Variants in CSMD1 observed in about 807,000 individuals in gnomAD.
The protein encoded by CSMD1 is CUB and Sushi multiple domains 1, also known as CUB and sushi domain-containing protein 1.
A neutral mutation model predicts 417.5 loss-of-function variants in CSMD1; 213 were observed. The observed-to-expected ratio is 0.51, with a 90% confidence interval of 0.46 to 0.57. The LOEUF (loss-of-function observed/expected upper bound fraction) is 0.57, where lower values mean the gene tolerates loss of function less well. Among genes scored for constraint, CSMD1 ranks in the 20% least tolerant of loss-of-function variants. The probability of loss-of-function intolerance (pLI) is 0.00; values close to 1 mark genes in which losing one functional copy is unlikely to be tolerated. For missense variants in CSMD1, 6,923 were observed against 4,529.7 expected (o/e 1.53, Z -15.17); for synonymous variants, 2,862 against 1,736.8 (o/e 1.65, Z -16.11).
chr8:3,671,441 A>T (rs1314211735), intron 7 of CSMD1, among the ~76,000 whole-genome samples: 1 of 145,416 alleles, frequency 6.9e-6, no homozygotes, highest in African/African-American at 2.5e-5. Flanking sequence ...ATAGTCACAT[A>T]TAATCATATA....
Position 4,830,192 on chromosome 8 carries a change from G to C in CSMD1, c.85+164140C>G, listed in dbSNP as rs555795414. 4.6e-5 allele frequency among the ~76,000 whole-genome samples: 7 copies of C among 152,300 alleles called. No homozygotes were observed. In the East Asian group the frequency reaches 1.3e-3, roughly 29 times the overall value. The stretch of plus-strand genomic sequence containing the variant: ...GAGTCTTGTTTACAGCAATGGGATT[G>C]TGAAACAGACAAAGTGCTTCTAATT... On this transcript the variant is annotated intron_variant, in intron 1 of 69. Transcript: ENST00000635120.
At chr8:4,329,414 G>C (rs911165693) in intron 3 of CSMD1, among the ~76,000 whole-genome samples, 1 of 151,790 alleles carries the variant, frequency 6.6e-6, no homozygotes, top group South Asian at 2.1e-4. Flanking sequence ...GCAGCCTCCC[G>C]GGTAGCTGGG....
Position 4,219,879 on chromosome 8 carries a change from T to G in CSMD1, c.416-187780A>C, listed in dbSNP as rs777313497. On this transcript the variant is annotated intron_variant, in intron 3 of 69. Transcript: ENST00000635120. ...GTGCATAGAAAGACAAAATCTCGAA[T>G]TAATACCAGGTGGAAACGATGTACT... Among the ~76,000 whole-genome samples the G allele has an allele frequency of 8.1e-4, 123 of 152,316 alleles. 2 individuals are homozygous for G. Among genetic ancestry groups the G allele is most frequent in the Admixed American group, 8.5e-4 (13 of 15,304 alleles).
chr8:4,073,452 T>G (rs1262156638), intron 3 of CSMD1, among the ~76,000 whole-genome samples: 4 of 152,136 alleles, frequency 2.6e-5, no homozygotes, highest in Admixed American at 6.5e-5. Context: ...GCGACTGTCT[T>G]ACTTAGATTC....
At chr8:4,931,000 G>A (rs920366882) in intron 1 of CSMD1, among the ~76,000 whole-genome samples, 2 of 152,106 alleles carry the variant, frequency 1.3e-5, no homozygotes, top group African/African-American at 4.8e-5. Context: ...GACAATATAT[G>A]TATTATCAAT....
intron 5 of CSMD1, among the ~76,000 whole-genome samples, chr8:3,843,437 G>C (rs1020234976): frequency 2.0e-5 from 3 of 152,040 alleles, no homozygotes; most frequent in Admixed American, 6.5e-5. Context: ...GAGTAATTAA[G>C]AATAACAGCC....
At chr8:3,129,246 A>G (rs1225092422) in intron 41 of CSMD1, among the ~76,000 whole-genome samples, 1 of 152,208 alleles carries the variant, frequency 6.6e-6, no homozygotes, top group Non-Finnish European at 1.5e-5. Flanking sequence ...ATTACATAAC[A>G]TGGAATTCTA....
At chr8:3,473,727 C>A (rs758524782) in intron 11 of CSMD1, among the ~76,000 whole-genome samples, 30 of 152,124 alleles carry the variant, frequency 2.0e-4, no homozygotes, top group Non-Finnish European at 3.7e-4. Context: ...AAGATAGATT[C>A]CTAGCAGGGG....
At chr8:3,617,701 G>C (rs907736742) in intron 7 of CSMD1, among the ~76,000 whole-genome samples, 13 of 152,172 alleles carry the variant, frequency 8.5e-5, no homozygotes, top group African/African-American at 2.2e-4. Context: ...CAACAGAAAA[G>C]ATGTGTCAAG....
chr8:4,036,683 G>A (rs987312067), intron 3 of CSMD1, among the ~76,000 whole-genome samples: 1 of 152,206 alleles, frequency 6.6e-6, no homozygotes, highest in African/African-American at 2.4e-5. Flanking sequence ...TCATGAAATT[G>A]CATTTCTCAT....
At chr8:2,967,158 C>G (rs1200343378) in intron 57 of CSMD1, among the ~76,000 whole-genome samples, 1 of 152,142 alleles carries the variant, frequency 6.6e-6, no homozygotes, top group Non-Finnish European at 1.5e-5. Context: ...GAAGCATCTT[C>G]CTTTATGTAA....
chr8:4,639,624 C>T (rs1324542735), intron 1 of CSMD1, among the ~76,000 whole-genome samples: 1 of 152,142 alleles, frequency 6.6e-6, no homozygotes, highest in Non-Finnish European at 1.5e-5. Flanking sequence ...CCTGGGTGTA[C>T]TCAGATTGTG....
chr8:3,073,256 A>C (rs555164672), intron 49 of CSMD1, among the ~76,000 whole-genome samples: 2 of 152,368 alleles, frequency 1.3e-5, no homozygotes, highest in Non-Finnish European at 2.9e-5. Context: ...AAACAGAAAG[A>C]ACAGCATGTC....
intron 36 of CSMD1, among the ~76,000 whole-genome samples, chr8:3,182,390 T>C (rs191314314): frequency 4.6e-5 from 7 of 152,248 alleles, no homozygotes; most frequent in Non-Finnish European, 8.8e-5. Flanking sequence ...AAGTTTTGTA[T>C]TTTTAGTAGA....
At chr8:4,390,254 AAACC>A (rs1252137176) in intron 3 of CSMD1, among the ~76,000 whole-genome samples, 1 of 152,142 alleles carries the variant, frequency 6.6e-6, no homozygotes, top group Non-Finnish European at 1.5e-5. Context: ...GGAAAAAGAA[AAACC>A]AACTACTTTT....
chr8:4,736,610 A>G (rs1391492446), intron 1 of CSMD1, among the ~76,000 whole-genome samples: 1 of 152,184 alleles, frequency 6.6e-6, no homozygotes, highest in African/African-American at 2.4e-5. Context: ...TACTGGAGCT[A>G]AAAGGCAGGG....
chr8:4,423,177 T>A (rs1284107118), intron 2 of CSMD1, among the ~76,000 whole-genome samples: 1 of 152,106 alleles, frequency 6.6e-6, no homozygotes, highest in African/African-American at 2.4e-5. Context: ...CTTTGAACAT[T>A]CTTATTCAAT....
chr8:4,546,276 T>G lies in CSMD1; in HGVS notation c.302+91066A>C, dbSNP rs561581695. On this transcript the variant is annotated intron_variant, in intron 2 of 69. Coordinates refer to ENST00000635120, the MANE Select transcript of CSMD1 (RefSeq NM_033225.6). ...CTCTGGAGGGTCCTTTCCATGTTCT[T>G]TTCTGTCTTTTCCTCTCCGGCCATT... Among the ~76,000 whole-genome samples, 7 of 152,306 alleles carry G rather than the reference T, an allele frequency of 4.6e-5. No individual in the cohort carries two copies. The East Asian group carries it at 1.4e-3, about 29-fold the overall frequency.
At chr8:4,457,887 C>T (rs988278049) in intron 2 of CSMD1, among the ~76,000 whole-genome samples, 3 of 152,070 alleles carry the variant, frequency 2.0e-5, no homozygotes, top group African/African-American at 4.8e-5. Context: ...GATGCAGCAC[C>T]GTAGTGAACG....
Sources: allele counts gnomAD v4.1 joint callset (sites outside exome capture counted in the v4.1 genomes callset), GRCh38; gene constraint gnomAD v4.1.1; transcripts MANE v1.5; gene names NCBI Gene and HGNC (gene_info 2026-07-23, HGNC 2026-07-21).